Variants in PRDM12 observed in about 807,000 individuals in gnomAD.
The protein encoded by PRDM12 is PR/SET domain 12, also known as PR domain zinc finger protein 12.
A neutral mutation model predicts 29.6 loss-of-function variants in PRDM12; 17 were observed. The ratio of observed to expected loss-of-function variants is 0.57; its 90% CI spans 0.39 to 0.86. The LOEUF is 0.86. Among genes scored for constraint, PRDM12 ranks in the 40% least tolerant of loss-of-function variants. The pLI is 0.00. For missense variants in PRDM12, 422 were observed against 510.8 expected (o/e 0.83, Z 1.68); for synonymous variants, 231 against 225.8 (o/e 1.02, Z -0.21).
chr9:130,681,269 C>T lies in PRDM12; in HGVS notation c.704C>T (p.Ser235Leu), dbSNP rs1326760494. The change falls in exon 5 of 5, where the codon TCG (serine) becomes TTG (leucine). Residue 235 changes from serine to leucine, a missense_variant. Coordinates refer to ENST00000253008, the MANE Select transcript of PRDM12 (RefSeq NM_021619.3). The surrounding 1 kb of genome is among the most constrained non-coding windows in gnomAD (Gnocchi z 8.1). ...NKHEDFHPAD[S>L]AAGPAGRMRC... ...CCAGAGGACTTCCACCCGGCGGACTCGGCGGCTGGCCCCGCGGGCCGCATG... is the reference window on the plus strand; with the variant it reads ...CCAGAGGACTTCCACCCGGCGGACTTGGCGGCTGGCCCCGCGGGCCGCATG... 6.8e-7 allele frequency: 1 copy of T among 1,474,482 alleles called. No individual in the cohort carries two copies. The allele number at this position is 1,474,482 out of a possible 1,614,324, so 91.3% of individuals were successfully genotyped here.
At chr9:130,675,936 T>A (rs1830838177) in intron 3 of PRDM12, among the ~76,000 whole-genome samples, 1 of 152,004 alleles carries the variant, frequency 6.6e-6, no homozygotes, top group Non-Finnish European at 1.5e-5. Flanking sequence ...AGTCTTAGAG[T>A]TGGGGGGAAA....
intron 3 of PRDM12, among the ~76,000 whole-genome samples, chr9:130,674,494 G>GTGTGTGTGTT (rs1332728151): frequency 1.6e-5 from 1 of 64,172 alleles, no homozygotes; most frequent in African/African-American, 5.7e-5. Flanking sequence ...AAGATAATTT[G>GTGTGTGTGTT]TGTGTGTGTG....
At chr9:130,671,295 T>A (rs1037606321) in intron 3 of PRDM12, among the ~76,000 whole-genome samples, 1 of 151,522 alleles carries the variant, frequency 6.6e-6, no homozygotes, top group Admixed American at 6.6e-5. Context: ...TAGTGAACTA[T>A]CAGCAGCATT....
At chr9:130,673,544 G>C (rs1212045412) in intron 3 of PRDM12, among the ~76,000 whole-genome samples, 1 of 151,992 alleles carries the variant, frequency 6.6e-6, no homozygotes, top group East Asian at 1.9e-4. Flanking sequence ...CTGTCTCTGA[G>C]GCTGGAGTGC....
intron 4 of PRDM12, among the ~76,000 whole-genome samples, chr9:130,680,659 A>ATATATATATATATATATATATAT: frequency 2.8e-4 from 20 of 72,166 alleles, no homozygotes; most frequent in East Asian, 6.4e-4. Context: ...ATATATATAT[A>ATATATATATATATATATATATAT]TTTTTTTTTT....
rs1830902157 is a variant in PRDM12, at chr9:130,681,563, A to C, written c.998A>C (p.His333Pro). 1 of 1,219,994 alleles carries C rather than the reference A, an allele frequency of 8.2e-7. No homozygotes were observed. Among genetic ancestry groups the C allele is most frequent in the Non-Finnish European group, 1.0e-6 (1 of 981,036 alleles). 75.6% of individuals were successfully genotyped at this position (1,219,994 alleles called of 1,614,324 possible). Residue 333 changes from histidine to proline, a missense_variant, in exon 5 of 5, where the codon CAC becomes CCC. By Grantham distance (77) the His-to-Pro change is moderately conservative. This residue lies in a region of PRDM12 where 66 missense variants were observed against 61.5 expected (regional missense o/e 1.07). Coordinates refer to ENST00000253008, the MANE Select transcript of PRDM12 (RefSeq NM_021619.3). This position sits in a 1 kb window ranked among gnomAD's most constrained non-coding sequence, Gnocchi z 8.1. ...HRPPSTALQA[H>P]SPALPAPHAH... ...CCGCCCAGCACCGCGCTGCAGGCAC[A>C]CTCGCCCGCGCTGCCCGCCCCGCAC...
intron 3 of PRDM12, among the ~76,000 whole-genome samples, chr9:130,677,370 G>C (rs1308136062): frequency 6.6e-6 from 1 of 152,192 alleles, no homozygotes; most frequent in African/African-American, 2.4e-5. Context: ...GACACAGAGG[G>C]GGCCCTGTCT....
chr9:130,672,539 GT>G (rs1830799813), intron 3 of PRDM12, among the ~76,000 whole-genome samples: 1 of 152,172 alleles, frequency 6.6e-6, no homozygotes, highest in African/African-American at 2.4e-5. Context: ...GCTGCTCTCT[GT>G]TACTATCCTC....
chr9:130,676,557 C>T (rs1056571259), intron 3 of PRDM12, among the ~76,000 whole-genome samples: 1 of 152,208 alleles, frequency 6.6e-6, no homozygotes, highest in African/African-American at 2.4e-5. Context: ...TTCTTCTCTG[C>T]CCCTTTCCAG....
chr9:130,677,581 C>T (rs1246477890), intron 3 of PRDM12, among the ~76,000 whole-genome samples: 5 of 152,212 alleles, frequency 3.3e-5, no homozygotes, highest in African/African-American at 1.2e-4. Flanking sequence ...TTCTGGAGTC[C>T]AGGCCTTGGG....
rs1554753125 is a variant in PRDM12, at chr9:130,680,660, T to TATA, written c.683-588_683-587insATA. Among the ~76,000 whole-genome samples the TATA allele has an allele frequency of 3.9e-3, 191 of 49,388 alleles. 1 individual carries two copies. Among genetic ancestry groups the TATA allele is most frequent in the African/African-American group, 0.015 (139 of 9,584 alleles). 32.4% of individuals were successfully genotyped at this position (49,388 alleles called of 152,430 possible). On this transcript the variant is annotated intron_variant, in intron 4 of 4. Transcript: ENST00000253008. ...ATATATATATATATATATATATATA[T>TATA]TTTTTTTTTTTTTAACTGATCCTTA...
intron 3 of PRDM12, among the ~76,000 whole-genome samples, chr9:130,670,772 G>C (rs188061625): frequency 6.6e-6 from 1 of 151,860 alleles, no homozygotes; most frequent in East Asian, 1.9e-4. Flanking sequence ...AACCCCACAC[G>C]CACACACATA....
chr9:130,680,634 A>AAAATATAT (rs1469778040), intron 4 of PRDM12, among the ~76,000 whole-genome samples: 2 of 88,492 alleles, frequency 2.3e-5, no homozygotes, highest in African/African-American at 1.1e-4. Flanking sequence ...AAAAAAAAAA[A>AAAATATAT]ATATATATAT....
chr9:130,673,165 C>T (rs1425192296), intron 3 of PRDM12, among the ~76,000 whole-genome samples: 2 of 152,232 alleles, frequency 1.3e-5, no homozygotes, highest in Non-Finnish European at 2.9e-5. Flanking sequence ...CCCAGCCAGC[C>T]AGGCCAGGCC....
At chr9:130,672,678 C>T (rs186807302) in intron 3 of PRDM12, among the ~76,000 whole-genome samples, 49 of 152,268 alleles carry the variant, frequency 3.2e-4, no homozygotes, top group African/African-American at 1.1e-3. Flanking sequence ...CCTCCCTGGC[C>T]AATATCTATT....
intron 3 of PRDM12, among the ~76,000 whole-genome samples, chr9:130,669,286 C>T (rs1017481022): frequency 6.6e-5 from 10 of 152,032 alleles, no homozygotes; most frequent in African/African-American, 2.4e-4. Flanking sequence ...GAGATCACGC[C>T]ACTGCACTCC....
intron 3 of PRDM12, among the ~76,000 whole-genome samples, chr9:130,677,188 G>A (rs1255682519): frequency 1.3e-5 from 2 of 152,304 alleles, no homozygotes; most frequent in East Asian, 1.9e-4. Flanking sequence ...GCCTCCCAAA[G>A]TGCTAGGATT....
chr9:130,671,295 T>C (rs1037606321), intron 3 of PRDM12, among the ~76,000 whole-genome samples: 2 of 151,522 alleles, frequency 1.3e-5, no homozygotes, highest in Non-Finnish European at 2.9e-5. Context: ...TAGTGAACTA[T>C]CAGCAGCATT....
rs751858277 is a variant in PRDM12, at chr9:130,664,803, C to T, written c.150C>T (p.Phe50=). ...GCAACGTGCTCGGGGAGCAGCTCTT[C>T]GAGGACAAGAGCCACCACGCCAGCC... ...RWRNVLGEQL[F]EDKSHHASPK... is the part of the protein sequence containing the mutation. Residue 50 remains phenylalanine, a synonymous_variant, in exon 1 of 5, where the codon TTC becomes TTT. Coordinates refer to ENST00000253008, the MANE Select transcript of PRDM12 (RefSeq NM_021619.3). This position sits in a 1 kb window ranked among gnomAD's most constrained non-coding sequence, Gnocchi z 6.4. 1.3e-6 allele frequency: 2 copies of T among 1,582,044 alleles called. No individual in the cohort carries two copies. Among genetic ancestry groups the T allele is most frequent in the East Asian group, 2.3e-5 (1 of 43,308 alleles).
Sources: allele counts gnomAD v4.1 joint callset (sites outside exome capture counted in the v4.1 genomes callset), GRCh38; gene constraint gnomAD v4.1.1; regional missense constraint gnomAD v4.1.1; non-coding constraint Gnocchi (gnomAD v3.1); transcripts MANE v1.5; gene names NCBI Gene and HGNC (gene_info 2026-07-23, HGNC 2026-07-21).